MPPED2: variants seen among roughly 807,000 people sequenced by gnomAD.
MPPED2 encodes metallophosphoesterase domain containing 2, also known as metallophosphoesterase MPPED2.
MPPED2 carries 5 observed loss-of-function variants against 33.0 expected under a neutral mutation model. The ratio of observed to expected loss-of-function variants is 0.15; its 90% CI spans 0.08 to 0.32. The LOEUF (loss-of-function observed/expected upper bound fraction) is 0.32, where lower values mean the gene tolerates loss of function less well. Ranked by LOEUF, MPPED2 falls within the 10% of genes least tolerant of loss-of-function variation. MPPED2 has a pLI of 1.00. For missense variants in MPPED2, 275 were observed against 372.1 expected (o/e 0.74, Z 2.15); for synonymous variants, 136 against 141.9 (o/e 0.96, Z 0.29).
intron 2 of MPPED2, among the ~76,000 whole-genome samples, chr11:30,565,904 G>A (rs571368734): frequency 4.2e-4 from 64 of 152,120 alleles, no homozygotes; most frequent in African/African-American, 1.5e-3. Flanking sequence ...TTTTAAGAAT[G>A]GTTTTCAACC....
At chr11:30,404,806 TG>T (rs1947964689) in intron 6 of MPPED2, among the ~76,000 whole-genome samples, 1 of 152,356 alleles carries the variant, frequency 6.6e-6, no homozygotes, top group East Asian at 1.9e-4. Flanking sequence ...ACCTGGCTTA[TG>T]GTGTTCAGTA....
At chr11:30,501,886 C>T (rs1397698217) in intron 3 of MPPED2, among the ~76,000 whole-genome samples, 3 of 152,178 alleles carry the variant, frequency 2.0e-5, no homozygotes, top group African/African-American at 7.2e-5. Flanking sequence ...AATCACAACA[C>T]ATGAACCCCT....
intron 4 of MPPED2, among the ~76,000 whole-genome samples, chr11:30,449,483 G>A (rs1590315597): frequency 6.6e-6 from 1 of 152,006 alleles, no homozygotes; most frequent in East Asian, 1.9e-4. Flanking sequence ...GCAAAACCCT[G>A]TCTCTACACA....
intron 2 of MPPED2, among the ~76,000 whole-genome samples, chr11:30,552,603 C>T (rs1027424920): frequency 2.6e-5 from 4 of 152,036 alleles, no homozygotes; most frequent in South Asian, 2.1e-4. Context: ...TGTTTTGTTT[C>T]GTTTTGTTTT....
intron 4 of MPPED2, among the ~76,000 whole-genome samples, chr11:30,455,655 G>C (rs1019714222): frequency 1.2e-4 from 19 of 152,194 alleles, no homozygotes; most frequent in Admixed American, 3.3e-4. Flanking sequence ...TGGGATGGTA[G>C]GCAACCAGAA....
At chr11:30,489,170 T>G (rs1234276115) in intron 4 of MPPED2, among the ~76,000 whole-genome samples, 1 of 152,174 alleles carries the variant, frequency 6.6e-6, no homozygotes, top group Non-Finnish European at 1.5e-5. Flanking sequence ...GTTGGTTTTC[T>G]AATCCTCTCA....
chr11:30,448,656 G>A (rs1410070192), intron 4 of MPPED2, among the ~76,000 whole-genome samples: 1 of 151,940 alleles, frequency 6.6e-6, no homozygotes, highest in Non-Finnish European at 1.5e-5. Flanking sequence ...GGCCTTTCTT[G>A]AAATCTCAGA....
chr11:30,415,392 A>G (rs978652025), intron 5 of MPPED2, among the ~76,000 whole-genome samples: 3 of 152,198 alleles, frequency 2.0e-5, no homozygotes, highest in Non-Finnish European at 4.4e-5. Context: ...TACCTCATGC[A>G]TGTGTTTTTC....
intron 5 of MPPED2, among the ~76,000 whole-genome samples, chr11:30,415,364 C>T (rs1948299206): frequency 1.3e-5 from 2 of 152,168 alleles, no homozygotes; most frequent in Admixed American, 1.3e-4. Flanking sequence ...AATTCTTAAG[C>T]TACATTGATT....
chr11:30,550,653 G>A lies in MPPED2; in HGVS notation c.129-14478C>T, dbSNP rs760415946. Among the ~76,000 whole-genome samples the A allele has an allele frequency of 3.3e-5, 5 of 152,076 alleles. No individual in the cohort carries two copies. The East Asian group carries it at 5.8e-4, about 18-fold the overall frequency. On this transcript the variant is annotated intron_variant, in intron 2 of 6. Transcript: ENST00000358117. ...GCTATTTCCATTCTCCTCTCATTCC[G>A]GAGTGAAAGAGTAAAACCTCAGCCA...
chr11:30,470,727 G>C (rs1950912770), intron 4 of MPPED2, among the ~76,000 whole-genome samples: 1 of 152,064 alleles, frequency 6.6e-6, no homozygotes, highest in Non-Finnish European at 1.5e-5. Context: ...ACTCTTCCCA[G>C]CTAAGGGCCT....
At chr11:30,528,330 A>G (rs1168052951) in intron 3 of MPPED2, among the ~76,000 whole-genome samples, 1 of 152,062 alleles carries the variant, frequency 6.6e-6, no homozygotes, top group Admixed American at 6.5e-5. Flanking sequence ...ATCTTGGCTC[A>G]CTGCAACCTC....
intron 4 of MPPED2, among the ~76,000 whole-genome samples, chr11:30,484,919 A>G (rs1951650045): frequency 6.6e-6 from 1 of 152,148 alleles, no homozygotes; most frequent in African/African-American, 2.4e-5. Context: ...TATTTATCTC[A>G]TTTCTACTCT....
intron 6 of MPPED2, among the ~76,000 whole-genome samples, chr11:30,411,845 G>A (rs1485702990): frequency 6.6e-6 from 1 of 151,992 alleles, no homozygotes; most frequent in Non-Finnish European, 1.5e-5. Flanking sequence ...AAGAAGGGCT[G>A]TGATTTCTTT....
At chr11:30,536,373 T>C (rs1165953243) in intron 2 of MPPED2, among the ~76,000 whole-genome samples, 198 bp from the exon 3 acceptor site, 1 of 152,056 alleles carries the variant, frequency 6.6e-6, no homozygotes, top group African/African-American at 2.4e-5. Context: ...CTGGGCAAAT[T>C]CAAAAGGACT....
At chr11:30,455,255 C>A (rs1039999627) in intron 4 of MPPED2, among the ~76,000 whole-genome samples, 6 of 152,186 alleles carry the variant, frequency 3.9e-5, no homozygotes, top group Non-Finnish European at 7.3e-5. Context: ...GGCCTGGGAA[C>A]CAGCCTACTG....
chr11:30,487,118 A>G (rs936513747), intron 4 of MPPED2, among the ~76,000 whole-genome samples: 2 of 152,184 alleles, frequency 1.3e-5, no homozygotes, highest in Non-Finnish European at 2.9e-5. Flanking sequence ...TGGAGCTTGT[A>G]ATCACTTTAT....
intron 4 of MPPED2, chr11:30,452,197 C>T (rs1950091558): frequency 8.6e-6 from 5 of 581,624 alleles, no homozygotes; most frequent in South Asian, 1.5e-4. Context: ...CAGAATCCTC[C>T]CTGCACCCAG....
intron 4 of MPPED2, among the ~76,000 whole-genome samples, chr11:30,488,937 G>A (rs1951853127): frequency 6.6e-6 from 1 of 152,188 alleles, no homozygotes; most frequent in Middle Eastern, 3.4e-3. Context: ...TGAAATCCCT[G>A]AAAACGTCGT....
Sources: allele counts gnomAD v4.1 joint callset (sites outside exome capture counted in the v4.1 genomes callset), GRCh38; gene constraint gnomAD v4.1.1; transcripts MANE v1.5; gene names NCBI Gene and HGNC (gene_info 2026-07-23, HGNC 2026-07-21).